LEF1: variants seen among roughly 807,000 people sequenced by gnomAD.
LEF1 encodes the protein lymphoid enhancer-binding factor 1.
A neutral mutation model predicts 51.2 loss-of-function variants in LEF1; 14 were observed. That is an observed-to-expected ratio of 0.27 (90% CI 0.18 to 0.43). The LOEUF (loss-of-function observed/expected upper bound fraction) is 0.43, where lower values mean the gene tolerates loss of function less well. Ranked by LOEUF, LEF1 falls within the 20% of genes least tolerant of loss-of-function variation. LEF1 has a pLI of 1.00. For synonymous variants in LEF1, 185 were observed against 183.2 expected (o/e 1.01, Z -0.08); for missense variants, 386 against 512.0 (o/e 0.75, Z 2.37).
chr4:108,135,670 G>C (rs1743217163), intron 3 of LEF1, among the ~76,000 whole-genome samples: 9 of 152,172 alleles, frequency 5.9e-5, no homozygotes, highest in Admixed American at 5.9e-4. Flanking sequence ...CTAGCAGTGG[G>C]AACTGGGGGT....
chr4:108,063,677 T>C lies in LEF1; in HGVS notation c.1166-14A>G, dbSNP rs1337605191. 3.2e-6 allele frequency: 5 copies of C among 1,583,538 alleles called. No individual in the cohort carries two copies. The East Asian group carries it at 6.8e-5, about 21-fold the overall frequency. On this transcript the variant is annotated splice_polypyrimidine_tract_variant and intron_variant, in intron 10 of 11. Transcript: ENST00000265165. Reference sequence around the variant, plus strand: ...TTGGACCTGTACCTGCAGAAAATTGTGTCTTTAACAAATTTTTATTGAAGA... The same window carrying C: ...TTGGACCTGTACCTGCAGAAAATTGCGTCTTTAACAAATTTTTATTGAAGA...
chr4:108,146,418 C>T (rs530018755), intron 3 of LEF1, among the ~76,000 whole-genome samples: 1 of 152,274 alleles, frequency 6.6e-6, no homozygotes, highest in Admixed American at 6.5e-5. Flanking sequence ...ACTTGTGGTG[C>T]CCCTAATAAG....
At chr4:108,130,063 T>C (rs559504759) in intron 3 of LEF1, among the ~76,000 whole-genome samples, 2 of 152,326 alleles carry the variant, frequency 1.3e-5, no homozygotes, top group Admixed American at 6.5e-5. Flanking sequence ...TTCCATAAGA[T>C]CAATTCCAAT....
intron 3 of LEF1, among the ~76,000 whole-genome samples, chr4:108,156,790 G>GT (rs1384041896): frequency 6.6e-6 from 1 of 151,830 alleles, no homozygotes; most frequent in Non-Finnish European, 1.5e-5. Context: ...GTTATTGCTT[G>GT]TAAGTGTGAG....
Position 108,081,589 on chromosome 4 carries a change from G to C in LEF1, c.719C>G (p.Ser240Cys). 1 of 1,613,546 alleles carries C rather than the reference G, an allele frequency of 6.2e-7. No homozygotes were observed. The highest frequency in any genetic ancestry group is 1.3e-5 in the African/African-American group (1 of 74,992). The change falls in exon 6 of 12, where the codon TCC becomes TGC. Residue 240 changes from serine to cysteine, a missense_variant. Ser to Cys is a moderately radical substitution (Grantham distance 112). Transcript: ENST00000265165. ...CCCAGTTTCCACCTCCACCTACCTG[G>C]ACATGGAAGTGTCGACTGACAGTGA... The part of the protein sequence containing the change: ...PSSLSVDTSM[S>C]RFSHHMIPGP...
intron 11 of LEF1, among the ~76,000 whole-genome samples, chr4:108,050,671 T>C (rs1560750581): frequency 6.6e-6 from 1 of 152,240 alleles, no homozygotes; most frequent in African/African-American, 2.4e-5. Context: ...CAGTCTGACA[T>C]GAAAACATTT....
chr4:108,077,084 C>G (rs1002901948), intron 8 of LEF1, among the ~76,000 whole-genome samples: 11 of 150,746 alleles, frequency 7.3e-5, no homozygotes, highest in African/African-American at 2.4e-4. Context: ...CCCACTTATT[C>G]ACCCAGCACT....
intron 3 of LEF1, among the ~76,000 whole-genome samples, chr4:108,098,332 G>C (rs1740524231): frequency 6.6e-6 from 1 of 152,108 alleles, no homozygotes; most frequent in Admixed American, 6.5e-5. Context: ...GCGGGGTTGT[G>C]GGGGTGGGGT....
At chr4:108,155,040 CA>C (rs969198808) in intron 3 of LEF1, among the ~76,000 whole-genome samples, 6 of 148,932 alleles carry the variant, frequency 4.0e-5, no homozygotes, top group Admixed American at 6.7e-5. Flanking sequence ...ATTCGAAGGG[CA>C]AAAAAAAATA....
intron 3 of LEF1, among the ~76,000 whole-genome samples, chr4:108,132,895 C>T (rs1005910578): frequency 2.6e-5 from 4 of 151,660 alleles, no homozygotes; most frequent in African/African-American, 9.7e-5. Flanking sequence ...TGTCTCCAAC[C>T]CCTGGGTTCA....
At chr4:108,156,850 A>G (rs928997559) in intron 3 of LEF1, among the ~76,000 whole-genome samples, 1 of 150,252 alleles carries the variant, frequency 6.7e-6, no homozygotes. Flanking sequence ...AGAGACTCAG[A>G]AGGGTGAGGG....
At chr4:108,163,874 C>G (rs1299440138) in intron 2 of LEF1, among the ~76,000 whole-genome samples, 173 bp from the exon 3 acceptor site, 1 of 152,160 alleles carries the variant, frequency 6.6e-6, no homozygotes, top group African/African-American at 2.4e-5. Flanking sequence ...AGTATTTATT[C>G]TCTTAAATAG....
intron 3 of LEF1, among the ~76,000 whole-genome samples, chr4:108,130,103 T>C (rs1742778553): frequency 6.6e-6 from 1 of 152,164 alleles, no homozygotes; most frequent in Non-Finnish European, 1.5e-5. Flanking sequence ...CTACTTCATA[T>C]ACTTCCCTTT....
rs1297541195 is a variant in LEF1 at position 108,132,036 on chromosome 4, G to A, written c.414+31532C>T. 3.3e-5 allele frequency among the ~76,000 whole-genome samples: 5 copies of A among 152,118 alleles called. No individual in the cohort carries two copies. In the East Asian group the frequency reaches 9.6e-4, roughly 29 times the overall value. Reference sequence around the variant, plus strand: ...TGGATGAGGATCTAATTAGGCAATGGGGCTACAGCTTCAGGAATCCAAAAT... The same window carrying A: ...TGGATGAGGATCTAATTAGGCAATGAGGCTACAGCTTCAGGAATCCAAAAT... On this transcript the variant is annotated intron_variant, in intron 3 of 11. Transcript: ENST00000265165.
At position 108,167,790 on chromosome 4, in the gene LEF1, C is replaced by A; in HGVS notation, c.-23G>T. ...CATCCCGGCGGCTCTGTAATCTCCG[C>A]TCCGCTGTGGGAGCACCCGCGCAAC... On this transcript the variant is annotated 5_prime_UTR_variant, in exon 1 of 12. Transcript: ENST00000265165. This position sits in a 1 kb window ranked among gnomAD's most constrained non-coding sequence, Gnocchi z 5.7. 1 of 1,605,168 alleles carries A rather than the reference C, an allele frequency of 6.2e-7. No homozygotes were observed. Among genetic ancestry groups the A allele is most frequent in the Non-Finnish European group, 8.5e-7 (1 of 1,176,900 alleles).
chr4:108,116,489 C>G (rs1047634010), intron 3 of LEF1, among the ~76,000 whole-genome samples: 3 of 152,116 alleles, frequency 2.0e-5, no homozygotes, highest in Non-Finnish European at 4.4e-5. Flanking sequence ...ACCACTGTAC[C>G]CCAACCTAGG....
intron 3 of LEF1, 48 bp downstream of exon 3, chr4:108,163,520 T>C: frequency 6.3e-7 from 1 of 1,587,288 alleles, no homozygotes; most frequent in Non-Finnish European, 8.6e-7. Flanking sequence ...AAAATACAAA[T>C]CAATTTGCAC....
chr4:108,118,056 T>C (rs1343700025), intron 3 of LEF1, among the ~76,000 whole-genome samples: 2 of 151,900 alleles, frequency 1.3e-5, no homozygotes, highest in African/African-American at 4.8e-5. Flanking sequence ...TTTTAGGGAG[T>C]AGGGAGTGGG....
intron 9 of LEF1, among the ~76,000 whole-genome samples, chr4:108,066,603 C>A (rs568467894): frequency 6.6e-6 from 1 of 152,176 alleles, no homozygotes; most frequent in Admixed American, 6.5e-5. Context: ...ACGCTTCTAC[C>A]GCTAAATCAA....
Sources: allele counts gnomAD v4.1 joint callset (sites outside exome capture counted in the v4.1 genomes callset), GRCh38; gene constraint gnomAD v4.1.1; non-coding constraint Gnocchi (gnomAD v3.1); transcripts MANE v1.5; gene names NCBI Gene and HGNC (gene_info 2026-07-23, HGNC 2026-07-21).